TM7SF3: variants seen among roughly 807,000 people sequenced by gnomAD.
The protein encoded by TM7SF3 is transmembrane 7 superfamily member 3.
A neutral mutation model predicts 65.5 loss-of-function variants in TM7SF3; 60 were observed. The ratio of observed to expected loss-of-function variants is 0.92; its 90% confidence interval spans 0.74 to 1.14. The LOEUF (loss-of-function observed/expected upper bound fraction) is 1.14, where lower values mean the gene tolerates loss of function less well. TM7SF3 is among the 50% of genes most tolerant of loss of function. The pLI is 0.00. For missense variants in TM7SF3, 623 were observed against 684.8 expected, an observed-to-expected ratio of 0.91 and a Z score of 1.01; for synonymous variants, 264 against 259.6, an observed-to-expected ratio of 1.02 and a Z score of -0.16.
chr12:26,990,203 C>T (rs546301427), intron 6 of TM7SF3, among the ~76,000 whole-genome samples: 3 of 152,296 alleles, frequency 2.0e-5, no homozygotes, highest in East Asian at 1.9e-4. Flanking sequence ...CTTCTTAGCA[C>T]TCACCATTTT....
intron 6 of TM7SF3, among the ~76,000 whole-genome samples, chr12:26,986,991 G>A (rs1940128409): frequency 6.6e-6 from 1 of 152,262 alleles, no homozygotes; most frequent in Non-Finnish European, 1.5e-5. Flanking sequence ...CCATTGGTAG[G>A]ATCTTCAATT....
At chr12:26,980,967 TTAAAA>T (rs1362605157) in intron 7 of TM7SF3, among the ~76,000 whole-genome samples, 1 of 152,256 alleles carries the variant, frequency 6.6e-6, no homozygotes, top group Non-Finnish European at 1.5e-5. Context: ...TGTTTTCTGC[TTAAAA>T]TAAGAATAGC....
chr12:26,994,309 C>T (rs1940498731), intron 5 of TM7SF3, among the ~76,000 whole-genome samples: 1 of 152,126 alleles, frequency 6.6e-6, no homozygotes, highest in East Asian at 1.9e-4. Context: ...CTTTTCAAGA[C>T]ATAAAGATAA....
At chr12:27,012,646 C>T in intron 1 of TM7SF3, 1 of 455,974 alleles carries the variant, frequency 2.2e-6, no homozygotes, top group Non-Finnish European at 4.4e-6. Context: ...AACCCATTCA[C>T]CAAGCACAAG....
chr12:26,996,070 T>C (rs1940583094), intron 4 of TM7SF3, among the ~76,000 whole-genome samples: 1 of 151,924 alleles, frequency 6.6e-6, no homozygotes. Flanking sequence ...TCCCAGCACT[T>C]TGGGAGGCTG....
intron 1 of TM7SF3, among the ~76,000 whole-genome samples, chr12:27,006,780 T>C (rs1399176563): frequency 6.6e-6 from 1 of 152,246 alleles, no homozygotes; most frequent in Non-Finnish European, 1.5e-5. Flanking sequence ...GCAACACAGA[T>C]AATGCTAGCT....
At chr12:26,976,983 C>T (rs182609369) in intron 9 of TM7SF3, among the ~76,000 whole-genome samples, 29 of 152,224 alleles carry the variant, frequency 1.9e-4, no homozygotes, top group Non-Finnish European at 4.4e-5. Context: ...CAACTTAGGC[C>T]GACCCAGAAC....
At chr12:26,989,088 A>G (rs974149647) in intron 6 of TM7SF3, among the ~76,000 whole-genome samples, 3 of 152,268 alleles carry the variant, frequency 2.0e-5, no homozygotes, top group African/African-American at 2.4e-5. Context: ...TATGTAATCA[A>G]TAAGGCTTCT....
At chr12:26,995,031 T>C (rs1287297368) in intron 5 of TM7SF3, among the ~76,000 whole-genome samples, 5 of 152,150 alleles carry the variant, frequency 3.3e-5, no homozygotes, top group African/African-American at 1.2e-4. Flanking sequence ...AAACGTAACA[T>C]AATTTACATG....
chr12:26,979,606 G>T, intron 9 of TM7SF3, 178 bp downstream of exon 9: 1 of 633,942 alleles, frequency 1.6e-6, no homozygotes. Context: ...GTGCCTTTGA[G>T]GAAGGAGGGA....
intron 1 of TM7SF3, chr12:27,012,656 G>A (rs555789088): frequency 2.2e-6 from 1 of 455,940 alleles, no homozygotes; most frequent in South Asian, 1.5e-5. Flanking sequence ...CCAAGCACAA[G>A]ACTTACAATC....
intron 1 of TM7SF3, among the ~76,000 whole-genome samples, chr12:27,005,759 AG>A (rs1941007279): frequency 6.6e-6 from 1 of 152,102 alleles, no homozygotes; most frequent in South Asian, 2.1e-4. Context: ...CAAAATAAGT[AG>A]GGGGGTATTA....
intron 11 of TM7SF3, among the ~76,000 whole-genome samples, chr12:26,975,133 CTT>C (rs770300366): frequency 6.6e-6 from 1 of 152,196 alleles, no homozygotes; most frequent in Non-Finnish European, 1.5e-5. Flanking sequence ...AAGGGAATAA[CTT>C]AACATTAAAT....
intron 2 of TM7SF3, among the ~76,000 whole-genome samples, chr12:27,001,930 G>GT (rs1300480446): frequency 1.3e-5 from 2 of 152,238 alleles, no homozygotes; most frequent in South Asian, 2.1e-4. Context: ...CAAATTCGAC[G>GT]TATGTGTGAC....
intron 7 of TM7SF3, 87 bp from the exon 8 acceptor site, chr12:26,980,733 T>G (rs1939778763): frequency 3.0e-6 from 2 of 657,652 alleles, no homozygotes; most frequent in Non-Finnish European, 5.2e-6. Flanking sequence ...TTTAAATATT[T>G]AATCTACAAA....
chr12:27,003,764 G>T (rs1392275151), intron 1 of TM7SF3, among the ~76,000 whole-genome samples: 1 of 152,186 alleles, frequency 6.6e-6, no homozygotes, highest in Non-Finnish European at 1.5e-5. Flanking sequence ...GAATGTGCTG[G>T]TGTTAAAGAA....
chr12:26,988,434 G>C (rs1323629176), intron 6 of TM7SF3, among the ~76,000 whole-genome samples: 1 of 152,142 alleles, frequency 6.6e-6, no homozygotes, highest in East Asian at 1.9e-4. Flanking sequence ...AATGTGCTGG[G>C]ATTACAGGCG....
intron 3 of TM7SF3, among the ~76,000 whole-genome samples, chr12:26,999,167 C>T (rs1026356636): frequency 5.3e-5 from 8 of 152,098 alleles, no homozygotes; most frequent in Admixed American, 3.3e-4. Flanking sequence ...GAGGCTGAGG[C>T]GGGCGAATCA....
At chr12:27,012,460 T>A (rs1941282076) in intron 1 of TM7SF3, among the ~76,000 whole-genome samples, 1 of 152,156 alleles carries the variant, frequency 6.6e-6, no homozygotes, top group African/African-American at 2.4e-5. Flanking sequence ...CAAAGATAAG[T>A]GCATAGCAAC....
Sources: allele counts gnomAD v4.1 joint callset (sites outside exome capture counted in the v4.1 genomes callset), GRCh38; gene constraint gnomAD v4.1.1; transcripts MANE v1.5; gene names NCBI Gene and HGNC (gene_info 2026-07-23, HGNC 2026-07-21).